PIGK: variants seen among roughly 807,000 people sequenced by gnomAD.
PIGK encodes phosphatidylinositol glycan anchor biosynthesis class K.
In PIGK, 42 loss-of-function variants were observed where a neutral mutation model predicts 50.6. That is an observed-to-expected ratio of 0.83 (90% confidence interval 0.65 to 1.07). PIGK has a LOEUF of 1.07. Ranked by LOEUF, PIGK falls within the 50% of genes least tolerant of loss-of-function variation. The pLI is 0.00. For synonymous variants in PIGK, 151 were observed against 156.0 expected (o/e 0.97, Z 0.24); for missense variants, 448 against 488.7 (o/e 0.92, Z 0.78).
At position 77,149,909 on chromosome 1, in the gene PIGK, TA is replaced by T. The variant is rs980350500; in HGVS notation, c.986+4539del. The stretch of plus-strand genomic sequence containing the variant: ...CATTTCAAGTATCTTTTTCTGACTA[TA>T]AAAAAAAAACCTAAAAGTCAATAAC... On this transcript the variant is annotated intron_variant, in intron 9 of 10. Coordinates refer to ENST00000370812, the MANE Select transcript of PIGK (RefSeq NM_005482.3). Among the ~76,000 whole-genome samples, 48 of 146,138 alleles carry T rather than the reference TA, an allele frequency of 3.3e-4. 1 individual carries two copies. The highest frequency in any genetic ancestry group is 5.7e-4 in the African/African-American group (23 of 40,026).
intron 3 of PIGK, among the ~76,000 whole-genome samples, chr1:77,173,348 A>G (rs971241007): frequency 6.6e-6 from 1 of 152,246 alleles, no homozygotes; most frequent in African/African-American, 2.4e-5. Context: ...TCTGGCCAGA[A>G]TGGAAAATAT....
rs1656343759 is a variant in PIGK at position 77,208,530 on chromosome 1, T to C, written c.148-1799A>G. ...ATAGGCAGTTATTGCCTCTTGAACATGGAGGGGCTCCTAGTTTCCTGTAGA... is the reference window on the plus strand; with the variant it reads ...ATAGGCAGTTATTGCCTCTTGAACACGGAGGGGCTCCTAGTTTCCTGTAGA... On this transcript the variant is annotated intron_variant, in intron 2 of 10. Coordinates refer to ENST00000370812, the MANE Select transcript of PIGK (RefSeq NM_005482.3). Among the ~76,000 whole-genome samples, 4 of 152,168 alleles carry C rather than the reference T, an allele frequency of 2.6e-5. No homozygotes were observed. The South Asian group carries it at 8.3e-4, about 32-fold the overall frequency.
chr1:77,103,720 G>A (rs1291563821), intron 10 of PIGK, among the ~76,000 whole-genome samples: 1 of 152,194 alleles, frequency 6.6e-6, no homozygotes, highest in East Asian at 1.9e-4. Context: ...GGTTTAGGCG[G>A]TTAGAATTTG....
chr1:77,121,285 CAT>C (rs1242434062), intron 10 of PIGK, among the ~76,000 whole-genome samples: 11 of 152,118 alleles, frequency 7.2e-5, no homozygotes, highest in Admixed American at 2.0e-4. Flanking sequence ...GAATTCCTGA[CAT>C]ATAAACTGGA....
chr1:77,129,605 T>G lies in PIGK; in HGVS notation c.987-7246A>C, dbSNP rs139377267. The G allele has an allele frequency of 3.7e-3, 5,735 of 1,542,586 alleles. 171 individuals are homozygous for G. The African/African-American group carries it at 0.069, about 19-fold the overall frequency. The stretch of plus-strand genomic sequence containing the variant: ...TTGTTCCTAAACCAGAAGAGGAGGT[T>G]GCCCAGAAGAAAAAGATATCCCAGA... On this transcript the variant is annotated intron_variant, in intron 9 of 10. Coordinates refer to ENST00000370812, the MANE Select transcript of PIGK (RefSeq NM_005482.3).
chr1:77,166,839 GA>G lies in PIGK; in HGVS notation c.376-10del. The G allele has an allele frequency of 1.7e-6, 2 of 1,170,522 alleles. No homozygotes were observed. Among genetic ancestry groups the G allele is most frequent in the Non-Finnish European group, 2.5e-6 (2 of 797,426 alleles). The allele number at this position is 1,170,522 out of a possible 1,614,324, so 72.5% of individuals were successfully genotyped here. On this transcript the variant is annotated splice_polypyrimidine_tract_variant and intron_variant, in intron 4 of 10. Transcript: ENST00000370812. Reference sequence around the variant, plus strand: ...AAATTCTCCACAGTTACCTAAGGGGGAAAAAACAAGAAAAATCAGATGAAAT... The same window carrying G: ...AAATTCTCCACAGTTACCTAAGGGGGAAAAACAAGAAAAATCAGATGAAAT...
intron 1 of PIGK, among the ~76,000 whole-genome samples, chr1:77,218,762 T>C (rs986158647): frequency 1.3e-5 from 2 of 152,132 alleles, no homozygotes; most frequent in African/African-American, 2.4e-5. Context: ...TGTGTCCACG[T>C]TTAAAAATGG....
Position 77,135,217 on chromosome 1 carries a change from T to C in PIGK, c.987-12858A>G, listed in dbSNP as rs1654472304. Among the ~76,000 whole-genome samples the C allele has an allele frequency of 2.6e-5, 4 of 152,266 alleles. No homozygotes were observed. The South Asian group carries it at 8.3e-4, about 32-fold the overall frequency. ...ATACTGAAATATTCCATTATAATGA[T>C]AAACTTATCAACCTGTTTTTTAAAT... On this transcript the variant is annotated intron_variant, in intron 9 of 10. Coordinates refer to ENST00000370812, the MANE Select transcript of PIGK (RefSeq NM_005482.3).
intron 10 of PIGK, among the ~76,000 whole-genome samples, chr1:77,095,546 A>C (rs1031505600): frequency 2.6e-5 from 4 of 152,078 alleles, no homozygotes; most frequent in Admixed American, 2.6e-4. Context: ...TGTCCATTTA[A>C]ATATAATTCC....
intron 3 of PIGK, among the ~76,000 whole-genome samples, chr1:77,200,320 T>C (rs1371498727): frequency 6.6e-6 from 1 of 151,814 alleles, no homozygotes; most frequent in East Asian, 1.9e-4. Flanking sequence ...AATAATAAAG[T>C]CTTAGACAAA....
intron 9 of PIGK, among the ~76,000 whole-genome samples, chr1:77,135,159 T>C (rs1164653344): frequency 6.6e-6 from 1 of 152,150 alleles, no homozygotes; most frequent in African/African-American, 2.4e-5. Context: ...TTAAAACTTT[T>C]GGATGGCTCT....
chr1:77,116,154 G>T (rs1653956376), intron 10 of PIGK, among the ~76,000 whole-genome samples: 1 of 151,982 alleles, frequency 6.6e-6, no homozygotes, highest in Non-Finnish European at 1.5e-5. Flanking sequence ...GACTCATAAT[G>T]GTGACTCCCA....
At chr1:77,122,146 A>G (rs1654111766) in intron 10 of PIGK, 129 bp downstream of exon 10, 1 of 580,274 alleles carries the variant, frequency 1.7e-6, no homozygotes, top group African/African-American at 1.9e-5. Flanking sequence ...GGGGTAGTCT[A>G]AATAGGGATA....
chr1:77,118,445 G>A (rs1365272979), intron 10 of PIGK, among the ~76,000 whole-genome samples: 2 of 152,092 alleles, frequency 1.3e-5, no homozygotes, highest in African/African-American at 4.8e-5. Context: ...TCACTCTGTT[G>A]CCCAGGCTGG....
chr1:77,124,976 G>C (rs927311474), intron 9 of PIGK, among the ~76,000 whole-genome samples: 1 of 152,180 alleles, frequency 6.6e-6, no homozygotes, highest in African/African-American at 2.4e-5. Flanking sequence ...TCCTGTTAAG[G>C]CACCAGCAGT....
intron 4 of PIGK, among the ~76,000 whole-genome samples, chr1:77,168,032 G>T (rs11162283): frequency 0.18 from 26,613 of 151,502 alleles, 2,508 homozygotes; most frequent in East Asian, 0.37. Flanking sequence ...AAAAAAAAAA[G>T]TTCCATATAT....
At chr1:77,204,245 T>TGTCTTATACGGC (rs1656237964) in intron 3 of PIGK, among the ~76,000 whole-genome samples, 1 of 152,018 alleles carries the variant, frequency 6.6e-6, no homozygotes, top group Non-Finnish European at 1.5e-5. Flanking sequence ...TCTTATACGG[T>TGTCTTATACGGC]TGCAGATAAG....
At chr1:77,196,803 C>T (rs1330978282) in intron 3 of PIGK, among the ~76,000 whole-genome samples, 1 of 152,136 alleles carries the variant, frequency 6.6e-6, no homozygotes, top group African/African-American at 2.4e-5. Flanking sequence ...TTTTCCTGTG[C>T]AAAAGCTCTT....
At chr1:77,199,031 T>A (rs1400979002) in intron 3 of PIGK, among the ~76,000 whole-genome samples, 1 of 152,068 alleles carries the variant, frequency 6.6e-6, no homozygotes, top group Non-Finnish European at 1.5e-5. Context: ...CTCTTCAGTA[T>A]CAAAATCTTC....
Sources: gnomAD v4.1 joint callset for allele counts (sites outside exome capture counted in the v4.1 genomes callset) on GRCh38, gnomAD v4.1.1 for gene constraint, MANE v1.5 for transcripts, NCBI Gene and HGNC (gene_info 2026-07-23, HGNC 2026-07-21) for gene names.